Variants in FAM216A observed in about 807,000 individuals in gnomAD.
The protein encoded by FAM216A is protein FAM216A.
FAM216A carries 26 observed loss-of-function variants against 37.6 expected under a neutral mutation model. The ratio of observed to expected loss-of-function variants is 0.69; its 90% confidence interval spans 0.51 to 0.96. The LOEUF is 0.96. Ranked by LOEUF, FAM216A falls within the 40% of genes least tolerant of loss-of-function variation. The pLI is 0.00. For missense variants in FAM216A, 326 were observed against 339.3 expected (o/e 0.96, Z 0.31); for synonymous variants, 110 against 121.7 (o/e 0.90, Z 0.64).
chr12:110,486,225 G>A (rs1338603408), intron 3 of FAM216A, 100 bp from the exon 4 acceptor site: 4 of 1,280,354 alleles, frequency 3.1e-6, no homozygotes, highest in Non-Finnish European at 4.2e-6. Context: ...GTAAAATACA[G>A]TTGGCACAAC....
intron 2 of FAM216A, among the ~76,000 whole-genome samples, chr12:110,476,959 T>G (rs1198218714): frequency 6.6e-6 from 1 of 152,052 alleles, no homozygotes; most frequent in Non-Finnish European, 1.5e-5. Context: ...TGGGCTCAGG[T>G]GATCCTCCCA....
At chr12:110,486,791 C>T in intron 5 of FAM216A, 74 bp downstream of exon 5, 1 of 1,343,676 alleles carries the variant, frequency 7.4e-7, no homozygotes. Flanking sequence ...GGGTTTTGTT[C>T]TCTCACCCAG....
chr12:110,480,124 C>G (rs1344864628), intron 2 of FAM216A, among the ~76,000 whole-genome samples: 1 of 149,094 alleles, frequency 6.7e-6, no homozygotes, highest in East Asian at 2.0e-4. Context: ...CTCCTGAGTT[C>G]AAGCGATTCT....
Position 110,486,335 on chromosome 12 carries a change from T to G in FAM216A, c.317T>G (p.Leu106Arg). Reference sequence around the variant, plus strand: ...TATTCTGTCTTTTAGCATCCAGACCTCACCACAGGCCAGAAGCGTTACCTG... The same window carrying G: ...TATTCTGTCTTTTAGCATCCAGACCGCACCACAGGCCAGAAGCGTTACCTG... ...MEASFFKHPD[L>R]TTGQKRYLCS... Residue 106 changes from leucine (L) to arginine (R), a missense_variant, in exon 4 of 7, where the codon CTC (leucine) becomes CGC (arginine). Leu to Arg is a moderately radical substitution (Grantham distance 102). Transcript: ENST00000377673. The G allele has an allele frequency of 1.2e-6, 2 of 1,608,544 alleles. No individual in the cohort carries two copies. The highest frequency in any genetic ancestry group is 1.7e-6 in the Non-Finnish European group (2 of 1,176,596).
rs71083126 is a variant in FAM216A at position 110,480,193 on chromosome 12, ATTTTTTTTTTT to A, written c.185-4867_185-4857del. On this transcript the variant is annotated intron_variant, in intron 2 of 6. Transcript: ENST00000377673. ...GGTGCACCCCCACCACGCCTAGCTA[ATTTTTTTTTTT>A]TTTTTTTTTTTTTTTTTGAGATGGA... Among the ~76,000 whole-genome samples, 27 of 30,876 alleles carry A rather than the reference ATTTTTTTTTTT, an allele frequency of 8.7e-4. 1 individual carries two copies. In the South Asian group the frequency reaches 0.043, roughly 49 times the overall value. The allele number at this position is 30,876 out of a possible 152,430, so 20.3% of individuals were successfully genotyped here. A position where few individuals can be genotyped will look rare whatever the true frequency, so the allele number is the denominator to read the frequency against.
At chr12:110,484,040 A>T (rs913177732) in intron 2 of FAM216A, among the ~76,000 whole-genome samples, 34 of 151,896 alleles carry the variant, frequency 2.2e-4, no homozygotes, top group Admixed American at 1.8e-3. Context: ...TCTTGAGCCC[A>T]GGAGTTTGAG....
At position 110,486,361 on chromosome 12, in the gene FAM216A, T is replaced by G. The variant is rs1186577955; in HGVS notation, c.343T>G (p.Cys115Gly). Residue 115 changes from cysteine (C) to glycine (G), a missense_variant, in exon 4 of 7, where the codon TGC becomes GGC. Transcript: ENST00000377673. ...CACCACAGGCCAGAAGCGTTACCTG[T>G]GCAGCATTGCTAAAATCTATAATGC... ...DLTTGQKRYL[C>G]SIAKIYNANY... 1.2e-6 allele frequency: 2 copies of G among 1,613,948 alleles called. No homozygotes were observed. The highest frequency in any genetic ancestry group is 4.5e-5 in the East Asian group (2 of 44,888).
At chr12:110,468,683 C>G (rs769182190), upstream of FAM216A, 13 of 1,530,354 alleles carry the variant, frequency 8.5e-6, no homozygotes, top group Middle Eastern at 1.7e-4. Flanking sequence ...GAGGTGCAAA[C>G]GTGCAAACGC....
chr12:110,486,762 T>C (rs979955486), intron 5 of FAM216A, 45 bp downstream of exon 5: 8 of 1,241,250 alleles, frequency 6.4e-6, no homozygotes, highest in African/African-American at 1.6e-5. Flanking sequence ...CTCAGTTTAA[T>C]TTTTTTTTTT....
intron 2 of FAM216A, among the ~76,000 whole-genome samples, chr12:110,476,251 G>A (rs1460049018): frequency 6.6e-6 from 1 of 150,974 alleles, no homozygotes; most frequent in Non-Finnish European, 1.5e-5. Flanking sequence ...CCAGGCTGGA[G>A]TCCAGTGGCG....
intron 1 of FAM216A, among the ~76,000 whole-genome samples, chr12:110,471,631 A>G (rs2062687351): frequency 6.6e-6 from 1 of 152,174 alleles, no homozygotes; most frequent in Non-Finnish European, 1.5e-5. Context: ...ACTTTACTTA[A>G]AAAGGATCAC....
chr12:110,487,931 T>C lies in FAM216A; in HGVS notation c.691T>C (p.Phe231Leu). The change falls in exon 6 of 7, where the codon TTC (phenylalanine) becomes CTC (leucine). Residue 231 changes from phenylalanine (F) to leucine (L), a missense_variant. Transcript: ENST00000377673. ...LKIFRRPRKL[F>L]MQTVSSDDSE... Reference sequence around the variant, plus strand: ...GATTTTTAGAAGACCAAGGAAACTGTTCATGCAAACAGGTAAATGTGGAAA... The same window carrying C: ...GATTTTTAGAAGACCAAGGAAACTGCTCATGCAAACAGGTAAATGTGGAAA... 6.3e-7 allele frequency: 1 copy of C among 1,597,600 alleles called. No homozygotes were observed. Among genetic ancestry groups the C allele is most frequent in the East Asian group, 2.2e-5 (1 of 44,774 alleles).
rs762663066 is a variant in FAM216A at position 110,468,885 on chromosome 12, C to G, written c.10C>G (p.Gln4Glu). The G allele has an allele frequency of 7.9e-5, 119 of 1,512,962 alleles. No individual in the cohort carries two copies. Among genetic ancestry groups the G allele is most frequent in the Admixed American group, 2.1e-5 (1 of 47,680 alleles). The allele number at this position is 1,512,962 out of a possible 1,614,324, so 93.7% of individuals were successfully genotyped here. The change falls in exon 1 of 7, where the codon CAG (glutamine) becomes GAG (glutamate). Residue 4 changes from glutamine to glutamate, a missense_variant. Coordinates refer to ENST00000377673, the MANE Select transcript of FAM216A (RefSeq NM_013300.3). ...TGCTGTCGGGGGAGGGATGCTGGGA[C>G]AGCTGCTCCCGCACACGGCTCGCGG... is the stretch of plus-strand genomic sequence containing the variant. The part of the protein sequence containing the change: MLG[Q>E]LLPHTARGLG...
At chr12:110,485,288 A>T (rs1457689057) in intron 3 of FAM216A, 89 bp downstream of exon 3, 1 of 1,175,690 alleles carries the variant, frequency 8.5e-7, no homozygotes, top group Non-Finnish European at 1.2e-6. Flanking sequence ...AGAGGGTGAG[A>T]TACTGCAGAT....
At chr12:110,474,798 T>G (rs1187545124) in intron 2 of FAM216A, among the ~76,000 whole-genome samples, 1 of 151,032 alleles carries the variant, frequency 6.6e-6, no homozygotes, top group Non-Finnish European at 1.5e-5. Context: ...GGTCAGAAAT[T>G]CGAGACTAGC....
At chr12:110,482,789 CA>C (rs1243278825) in intron 2 of FAM216A, among the ~76,000 whole-genome samples, 3 of 138,246 alleles carry the variant, frequency 2.2e-5, no homozygotes, top group Non-Finnish European at 4.6e-5. Flanking sequence ...AGCAAGACTC[CA>C]TCTCAAAAAA....
intron 2 of FAM216A, among the ~76,000 whole-genome samples, chr12:110,479,556 A>T (rs1243081197): frequency 6.6e-6 from 1 of 151,610 alleles, no homozygotes; most frequent in African/African-American, 2.4e-5. Context: ...GAAGCCTAGT[A>T]GGCTGGGCGC....
intron 3 of FAM216A, among the ~76,000 whole-genome samples, chr12:110,485,892 A>C (rs931242327): frequency 6.6e-6 from 1 of 152,210 alleles, no homozygotes; most frequent in Non-Finnish European, 1.5e-5. Context: ...CAGAATGTCC[A>C]ACACAGTCAG....
chr12:110,483,300 C>T lies in FAM216A; in HGVS notation c.185-1778C>T, dbSNP rs574709485. On this transcript the variant is annotated intron_variant, in intron 2 of 6. Coordinates refer to ENST00000377673, the MANE Select transcript of FAM216A (RefSeq NM_013300.3). ...GAGCCGAGATGGTGCCACTGCACTCCAGCCTGGGCGACAGAGCGAGACTCC... is the reference window on the plus strand; with the variant it reads ...GAGCCGAGATGGTGCCACTGCACTCTAGCCTGGGCGACAGAGCGAGACTCC... 9.8e-5 allele frequency among the ~76,000 whole-genome samples: 14 copies of T among 142,642 alleles called. No homozygotes were observed. In the East Asian group the frequency reaches 2.0e-3, roughly 20 times the overall value. 93.6% of individuals were successfully genotyped at this position (142,642 alleles called of 152,430 possible).
Sources: allele counts gnomAD v4.1 joint callset (sites outside exome capture counted in the v4.1 genomes callset), GRCh38; gene constraint gnomAD v4.1.1; transcripts MANE v1.5; gene names NCBI Gene and HGNC (gene_info 2026-07-23, HGNC 2026-07-21).